The following ARHGAP6 variants were observed in gnomAD, a reference collection of about 807,000 sequenced individuals.
ARHGAP6 encodes the protein rho GTPase-activating protein 6.
A neutral mutation model predicts 55.7 loss-of-function variants in ARHGAP6; 16 were observed. The ratio of observed to expected loss-of-function variants is 0.29; its 90% CI spans 0.19 to 0.44. ARHGAP6 has a LOEUF of 0.44. ARHGAP6 is among the 20% of genes least tolerant of loss of function. The pLI, the probability that ARHGAP6 is intolerant of heterozygous loss-of-function variation, is 1.00. For missense variants in ARHGAP6, 698 were observed against 808.9 expected (o/e 0.86, Z 1.66); for synonymous variants, 382 against 360.9 (o/e 1.06, Z -0.66).
At chrX:11,428,479 C>T (rs1280478002) in intron 1 of ARHGAP6, among the ~76,000 whole-genome samples, 10 of 112,409 alleles carry the variant, frequency 8.9e-5, no homozygotes, top group Non-Finnish European at 3.8e-5. Context: ...GTTCCCTCCA[C>T]AGCCTTGTCC....
chrX:11,227,263 T>G (rs1328074172), intron 2 of ARHGAP6, among the ~76,000 whole-genome samples: 1 of 112,153 alleles, frequency 8.9e-6, no homozygotes, highest in Non-Finnish European at 1.9e-5. Context: ...GTATGAACAT[T>G]AAACTAGAAA....
chrX:11,458,701 T>A (rs1420941434), intron 1 of ARHGAP6, among the ~76,000 whole-genome samples: 2 of 112,166 alleles, frequency 1.8e-5, no homozygotes. Flanking sequence ...TTATTTAGCA[T>A]GTATTTCCTG....
intron 1 of ARHGAP6, among the ~76,000 whole-genome samples, chrX:11,587,321 G>T (rs2051746523): frequency 9.0e-6 from 1 of 111,652 alleles, no homozygotes; most frequent in Admixed American, 9.5e-5. Flanking sequence ...GTCATAGGTG[G>T]CTGTTATTAT....
chrX:11,647,393 C>G (rs1194680201), intron 1 of ARHGAP6, among the ~76,000 whole-genome samples: 2 of 112,270 alleles, frequency 1.8e-5, no homozygotes, highest in Admixed American at 9.4e-5. Flanking sequence ...TTTCTCTTAG[C>G]CTCCCACATT....
chrX:11,166,181 G>C (rs962390051), intron 9 of ARHGAP6, among the ~76,000 whole-genome samples: 2 of 111,200 alleles, frequency 1.8e-5, no homozygotes, highest in Non-Finnish European at 3.8e-5. Flanking sequence ...CTTGGGAGAG[G>C]CAGTCTCAGC....
intron 1 of ARHGAP6, among the ~76,000 whole-genome samples, chrX:11,458,430 T>G (rs181732878): frequency 8.9e-5 from 10 of 112,206 alleles, no homozygotes; most frequent in Admixed American, 1.9e-4. Flanking sequence ...TGTGGGTTAC[T>G]AGAGCTGGGC....
At chrX:11,582,356 T>C in intron 1 of ARHGAP6, among the ~76,000 whole-genome samples, 1 of 111,882 alleles carries the variant, frequency 8.9e-6, no homozygotes, top group African/African-American at 3.2e-5. Flanking sequence ...GAGGTGTAAA[T>C]TACCCTTCCA....
chrX:11,424,260 T>C (rs2049856371), intron 1 of ARHGAP6, among the ~76,000 whole-genome samples: 1 of 112,476 alleles, frequency 8.9e-6, no homozygotes, highest in Non-Finnish European at 1.9e-5. Context: ...ATTCTACTGT[T>C]CTGAGCTTAG....
chrX:11,405,803 A>T (rs1227443850), intron 1 of ARHGAP6, among the ~76,000 whole-genome samples: 1 of 112,177 alleles, frequency 8.9e-6, no homozygotes, highest in Non-Finnish European at 1.9e-5. Context: ...TTGAGTTTAC[A>T]ACCCAACTTC....
intron 1 of ARHGAP6, among the ~76,000 whole-genome samples, chrX:11,626,112 A>G (rs2052295942): frequency 8.9e-6 from 1 of 112,264 alleles, no homozygotes; most frequent in African/African-American, 3.2e-5. Flanking sequence ...GATATGCCAA[A>G]ATAAAATATA....
chrX:11,144,542 G>C (rs1304816769), intron 10 of ARHGAP6, among the ~76,000 whole-genome samples: 1 of 112,661 alleles, frequency 8.9e-6, no homozygotes, highest in Non-Finnish European at 1.9e-5. Flanking sequence ...AATGGGCATC[G>C]CTAAGTGCCT....
At chrX:11,147,115 TACTC>T (rs1320330376) in intron 10 of ARHGAP6, among the ~76,000 whole-genome samples, 1 of 112,248 alleles carries the variant, frequency 8.9e-6, no homozygotes, top group Non-Finnish European at 1.9e-5. Flanking sequence ...TATATACACA[TACTC>T]ACATATACAT....
rs763357686 is a variant in ARHGAP6, at chrX:11,653,168, A to C, written c.588+11073T>G. On this transcript the variant is annotated intron_variant, in intron 1 of 12. Transcript: ENST00000337414. ...AACAGGGCTCGACTAAGAACTTTTCAGTTTCCAACATTCTAAATATTCTAC... is the reference window on the plus strand; with the variant it reads ...AACAGGGCTCGACTAAGAACTTTTCCGTTTCCAACATTCTAAATATTCTAC... Among the ~76,000 whole-genome samples, 4 of 112,300 alleles carry C rather than the reference A, an allele frequency of 3.6e-5. No individual in the cohort carries two copies. In the East Asian group the frequency reaches 1.1e-3, roughly 32 times the overall value.
chrX:11,518,756 G>T (rs1481827508), intron 1 of ARHGAP6, among the ~76,000 whole-genome samples: 2 of 98,862 alleles, frequency 2.0e-5, no homozygotes, highest in Admixed American at 2.2e-4. Context: ...CTAGCATTAG[G>T]TATATCTCCT....
intron 1 of ARHGAP6, among the ~76,000 whole-genome samples, chrX:11,511,832 T>A (rs772956018): frequency 9.0e-6 from 1 of 110,654 alleles, no homozygotes; most frequent in Admixed American, 9.6e-5. Context: ...CACAAAATTA[T>A]GATTTTTTTT....
chrX:11,298,522 A>G (rs2048122173), intron 1 of ARHGAP6: 1 of 1,208,932 alleles, frequency 8.3e-7, no homozygotes. Context: ...AGCCAATGGT[A>G]AACCTGCCTC....
intron 1 of ARHGAP6, among the ~76,000 whole-genome samples, chrX:11,508,900 C>T (rs1406930784): frequency 1.8e-5 from 2 of 109,830 alleles, no homozygotes; most frequent in Non-Finnish European, 3.8e-5. Context: ...ATCACACATG[C>T]GATCTATATG....
chrX:11,522,561 C>T (rs1190689568), intron 1 of ARHGAP6, among the ~76,000 whole-genome samples: 2 of 111,229 alleles, frequency 1.8e-5, no homozygotes, highest in African/African-American at 3.3e-5. Flanking sequence ...GATATCACCA[C>T]CGATCCCACA....
At chrX:11,200,809 GT>G (rs1318643985) in intron 2 of ARHGAP6, among the ~76,000 whole-genome samples, 1 of 112,380 alleles carries the variant, frequency 8.9e-6, no homozygotes, top group African/African-American at 3.2e-5. Context: ...TAATTTTAAA[GT>G]GATCAGATTC....
Sources: allele counts gnomAD v4.1 joint callset (sites outside exome capture counted in the v4.1 genomes callset), GRCh38; gene constraint gnomAD v4.1.1; transcripts MANE v1.5; gene names NCBI Gene and HGNC (gene_info 2026-07-23, HGNC 2026-07-21).